The following HIP1 variants were observed in gnomAD, a reference collection of about 807,000 sequenced individuals.
The protein encoded by HIP1 is huntingtin-interacting protein 1.
HIP1 carries 65 observed loss-of-function variants against 147.6 expected under a neutral mutation model. That is an observed-to-expected ratio of 0.44 (90% CI 0.36 to 0.54). The LOEUF is 0.54. Ranked by LOEUF, HIP1 falls within the 20% of genes least tolerant of loss-of-function variation. HIP1 has a pLI of 0.00. For synonymous variants in HIP1, 479 were observed against 504.0 expected (o/e 0.95, Z 0.67); for missense variants, 1,061 against 1,299.6 (o/e 0.82, Z 2.82).
At chr7:75,656,203 A>AAC (rs1273955873) in intron 1 of HIP1, among the ~76,000 whole-genome samples, 2 of 151,990 alleles carry the variant, frequency 1.3e-5, no homozygotes, top group Non-Finnish European at 2.9e-5. Flanking sequence ...TAAAAGCACA[A>AAC]ACACACACAC....
chr7:75,556,924 T>A, intron 16 of HIP1, 113 bp from the exon 17 acceptor site: 1 of 658,534 alleles, frequency 1.5e-6, no homozygotes, highest in Non-Finnish European at 2.7e-6. Context: ...CTACTGTATG[T>A]AAGTTACACC....
chr7:75,634,083 T>C (rs1041132828), intron 1 of HIP1, among the ~76,000 whole-genome samples: 27 of 151,950 alleles, frequency 1.8e-4, no homozygotes, highest in African/African-American at 6.3e-4. Flanking sequence ...TATCAAAACC[T>C]CGTCTCTACC....
Position 75,556,127 on chromosome 7 carries a change from C to G in HIP1, c.1726G>C (p.Glu576Gln), listed in dbSNP as rs782610420. 3.1e-6 allele frequency: 5 copies of G among 1,614,062 alleles called. No homozygotes were observed. The African/African-American group carries it at 4.0e-5, about 13-fold the overall frequency. Residue 576 changes from glutamate to glutamine, a missense_variant, in exon 18 of 31, where the codon GAG (glutamate) becomes CAG (glutamine). Transcript: ENST00000336926. ...GCGCCACTCACCAGGCTGTCCCGCTCCTTCTCTAGCTCGGCGAACTCGGCT... is the reference window on the plus strand; with the variant it reads ...GCGCCACTCACCAGGCTGTCCCGCTGCTTCTCTAGCTCGGCGAACTCGGCT... Reference protein sequence around the residue: ...WAAEFAELEKERDSLVSGAAH... With the variant: ...WAAEFAELEKQRDSLVSGAAH...
intron 1 of HIP1, among the ~76,000 whole-genome samples, chr7:75,623,580 G>C (rs1326721142): frequency 4.6e-5 from 7 of 152,178 alleles, no homozygotes; most frequent in African/African-American, 1.7e-4. Context: ...AGGAAGCGAG[G>C]TCAGGGCTGA....
chr7:75,586,305 C>T (rs143650581), intron 5 of HIP1, among the ~76,000 whole-genome samples: 2,360 of 149,292 alleles, frequency 0.016, 72 homozygotes, highest in African/African-American at 0.055. Context: ...CAGGTTCAAG[C>T]GATTCTCCTG....
chr7:75,718,243 G>A (rs1554520792), intron 1 of HIP1, among the ~76,000 whole-genome samples: 1 of 152,110 alleles, frequency 6.6e-6, no homozygotes, highest in Non-Finnish European at 1.5e-5. Context: ...TGTAGTCCCA[G>A]CTATGTGGGA....
chr7:75,590,769 C>T (rs1796474316), intron 4 of HIP1, among the ~76,000 whole-genome samples: 2 of 152,178 alleles, frequency 1.3e-5, no homozygotes, highest in South Asian at 4.1e-4. Context: ...CTAAACTTTA[C>T]ATGTTACAGG....
chr7:75,540,761 A>G (rs1476447296), intron 29 of HIP1, among the ~76,000 whole-genome samples: 1 of 152,210 alleles, frequency 6.6e-6, no homozygotes, highest in Non-Finnish European at 1.5e-5. Flanking sequence ...TTTACATAAT[A>G]TGACTTTATA....
At chr7:75,725,914 C>T (rs571715809) in intron 1 of HIP1, among the ~76,000 whole-genome samples, 24 of 151,234 alleles carry the variant, frequency 1.6e-4, no homozygotes, top group African/African-American at 5.6e-4. Flanking sequence ...CTCCATCTCC[C>T]GGATTCAAGC....
intron 1 of HIP1, among the ~76,000 whole-genome samples, chr7:75,715,822 C>T (rs1388011802): frequency 2.1e-5 from 3 of 140,706 alleles, no homozygotes; most frequent in Non-Finnish European, 4.6e-5. Context: ...GCTCACAGTT[C>T]TGCAGGTTAT....
chr7:75,661,534 C>CT (rs1302765523), intron 1 of HIP1, among the ~76,000 whole-genome samples: 4 of 143,988 alleles, frequency 2.8e-5, no homozygotes, highest in Non-Finnish European at 4.5e-5. Flanking sequence ...GATCATGCCG[C>CT]TGCACTCCAG....
chr7:75,721,623 G>A (rs1200323067), intron 1 of HIP1, among the ~76,000 whole-genome samples: 1 of 152,158 alleles, frequency 6.6e-6, no homozygotes, highest in African/African-American at 2.4e-5. Context: ...CACTCCCAAA[G>A]TTGTGCAACG....
chr7:75,614,493 G>A (rs1554505586), intron 1 of HIP1, among the ~76,000 whole-genome samples: 1 of 149,698 alleles, frequency 6.7e-6, no homozygotes, highest in Non-Finnish European at 1.5e-5. Context: ...GATTCTATTT[G>A]TATGAAGTGC....
chr7:75,567,963 C>A (rs1189198507), intron 9 of HIP1, among the ~76,000 whole-genome samples: 2 of 152,004 alleles, frequency 1.3e-5, no homozygotes, highest in Non-Finnish European at 2.9e-5. Flanking sequence ...TGCATACCAC[C>A]GTGCCCAGCT....
intron 1 of HIP1, among the ~76,000 whole-genome samples, chr7:75,689,063 A>G (rs192653736): frequency 9.7e-4 from 147 of 152,212 alleles, no homozygotes; most frequent in Non-Finnish European, 1.9e-3. Context: ...TCTGCCTTAT[A>G]ATAAAGGTAG....
intron 1 of HIP1, among the ~76,000 whole-genome samples, chr7:75,630,648 C>G (rs1438946172): frequency 1.3e-5 from 2 of 152,002 alleles, no homozygotes; most frequent in Non-Finnish European, 2.9e-5. Context: ...GGATCTTCTT[C>G]CCCTCTGTCC....
intron 1 of HIP1, among the ~76,000 whole-genome samples, chr7:75,629,186 C>G (rs1563255743): frequency 6.6e-6 from 1 of 152,208 alleles, no homozygotes; most frequent in Admixed American, 6.5e-5. Flanking sequence ...CCACACTTAT[C>G]CTGGTACCAG....
intron 1 of HIP1, among the ~76,000 whole-genome samples, chr7:75,705,747 C>A (rs1800972042): frequency 1.3e-5 from 2 of 152,176 alleles, no homozygotes; most frequent in Admixed American, 6.6e-5. Flanking sequence ...ACCTGGGTTG[C>A]TTCCACATTT....
intron 5 of HIP1, among the ~76,000 whole-genome samples, chr7:75,583,486 T>C (rs1176086876): frequency 6.6e-6 from 1 of 151,858 alleles, no homozygotes; most frequent in Non-Finnish European, 1.5e-5. Flanking sequence ...GGCCAGGGAG[T>C]TCAAAGTCAG....
Sources: allele counts gnomAD v4.1 joint callset (sites outside exome capture counted in the v4.1 genomes callset), GRCh38; gene constraint gnomAD v4.1.1; transcripts MANE v1.5; gene names NCBI Gene and HGNC (gene_info 2026-07-23, HGNC 2026-07-21).